CACNG3: variants seen among roughly 807,000 people sequenced by gnomAD.
The protein encoded by CACNG3 is calcium voltage-gated channel auxiliary subunit gamma 3, also known as voltage-dependent calcium channel gamma-3 subunit.
A neutral mutation model predicts 28.5 loss-of-function variants in CACNG3; 3 were observed. The ratio of observed to expected loss-of-function variants is 0.11; its 90% CI spans 0.05 to 0.27. The LOEUF (loss-of-function observed/expected upper bound fraction) is 0.27. Among genes scored for constraint, CACNG3 ranks in the 10% least tolerant of loss-of-function variants. The pLI is 1.00. For synonymous variants in CACNG3, 174 were observed against 162.2 expected, an observed-to-expected ratio of 1.07 and a Z score of -0.55; for missense variants, 236 against 414.4, an observed-to-expected ratio of 0.57 and a Z score of 3.74.
At chr16:24,331,532 A>T (rs955635074) in intron 1 of CACNG3, among the ~76,000 whole-genome samples, 1 of 152,190 alleles carries the variant, frequency 6.6e-6, no homozygotes, top group Non-Finnish European at 1.5e-5. Flanking sequence ...ATGCACTTTC[A>T]TTCCTGCTCC....
chr16:24,361,264 C>A lies in CACNG3; in HGVS notation c.437-88C>A. On this transcript the variant is annotated intron_variant, in intron 3 of 3. Coordinates refer to ENST00000005284, the MANE Select transcript of CACNG3 (RefSeq NM_006539.4). This position sits in a 1 kb window ranked among gnomAD's most constrained non-coding sequence, Gnocchi z 6.8. ...CATTCTCCTCTCTCCCCATTACCTC[C>A]ACATTTTCTATAAATATTTTAAGAT... The A allele has an allele frequency of 9.1e-7, 1 of 1,100,090 alleles. No homozygotes were observed. Among genetic ancestry groups the A allele is most frequent in the Non-Finnish European group, 1.3e-6 (1 of 756,124 alleles). 68.1% of individuals were successfully genotyped at this position (1,100,090 alleles called of 1,614,324 possible).
intron 1 of CACNG3, among the ~76,000 whole-genome samples, chr16:24,306,978 G>A (rs1424687203): frequency 1.3e-5 from 2 of 152,208 alleles, no homozygotes; most frequent in East Asian, 1.9e-4. Context: ...GTGCCGCTCC[G>A]GGTACTGCTC....
At chr16:24,285,819 T>C (rs1276584383) in intron 1 of CACNG3, among the ~76,000 whole-genome samples, 4 of 151,148 alleles carry the variant, frequency 2.6e-5, no homozygotes, top group Admixed American at 6.6e-5. Flanking sequence ...TCTGGTTCTA[T>C]AGGTACTGAT....
At chr16:24,265,342 A>C (rs1898586825) in intron 1 of CACNG3, among the ~76,000 whole-genome samples, 1 of 131,054 alleles carries the variant, frequency 7.6e-6, no homozygotes, top group Non-Finnish European at 1.6e-5. Context: ...GAAGGAAAGA[A>C]AGAAAAAGGA....
intron 1 of CACNG3, among the ~76,000 whole-genome samples, chr16:24,279,688 C>A (rs989652974): frequency 2.6e-5 from 4 of 152,194 alleles, no homozygotes; most frequent in African/African-American, 9.7e-5. Context: ...GAGATGGACT[C>A]ATTGGCCATC....
At chr16:24,307,735 T>A (rs1804413316) in intron 1 of CACNG3, among the ~76,000 whole-genome samples, 1 of 152,072 alleles carries the variant, frequency 6.6e-6, no homozygotes, top group Admixed American at 6.6e-5. Context: ...CTCAAGCCCC[T>A]CCATTTCTCT....
At chr16:24,259,270 CCTA>C (rs1282755999) in intron 1 of CACNG3, among the ~76,000 whole-genome samples, 1 of 152,172 alleles carries the variant, frequency 6.6e-6, no homozygotes, top group African/African-American at 2.4e-5. Flanking sequence ...GTAATTAACA[CCTA>C]GGTGGGTCCT....
intron 1 of CACNG3, among the ~76,000 whole-genome samples, chr16:24,313,203 A>G (rs991559547): frequency 1.8e-4 from 28 of 152,238 alleles, no homozygotes; most frequent in African/African-American, 6.5e-4. Flanking sequence ...GAACATATTC[A>G]TTAAAACATT....
At chr16:24,340,832 T>C (rs1899776955) in intron 1 of CACNG3, among the ~76,000 whole-genome samples, 1 of 152,166 alleles carries the variant, frequency 6.6e-6, no homozygotes, top group Non-Finnish European at 1.5e-5. Flanking sequence ...TTCGCTGGGC[T>C]CCTGTCCTCC....
At chr16:24,265,930 G>A (rs1204153184) in intron 1 of CACNG3, among the ~76,000 whole-genome samples, 5 of 152,190 alleles carry the variant, frequency 3.3e-5, no homozygotes, top group Admixed American at 2.6e-4. Context: ...GTAGAGACAT[G>A]TAGGAATCTA....
intron 1 of CACNG3, among the ~76,000 whole-genome samples, chr16:24,338,141 C>G (rs1899735792): frequency 6.6e-6 from 1 of 152,076 alleles, no homozygotes; most frequent in South Asian, 2.1e-4. Flanking sequence ...ACTCTCGCCC[C>G]AGGGTCTTTG....
At chr16:24,335,377 G>A (rs768974664) in intron 1 of CACNG3, among the ~76,000 whole-genome samples, 3 of 152,060 alleles carry the variant, frequency 2.0e-5, no homozygotes, top group South Asian at 2.1e-4. Flanking sequence ...CCAAGATCGC[G>A]CCACTGCACT....
intron 2 of CACNG3, among the ~76,000 whole-genome samples, chr16:24,354,119 G>A (rs1899996011): frequency 6.6e-6 from 1 of 152,154 alleles, no homozygotes; most frequent in Non-Finnish European, 1.5e-5. Context: ...CCTGAGCCTG[G>A]AAGGTGAGGC....
chr16:24,344,119 G>A (rs1899825941), intron 1 of CACNG3, among the ~76,000 whole-genome samples: 1 of 151,954 alleles, frequency 6.6e-6, no homozygotes, highest in South Asian at 2.1e-4. Context: ...AAGTCATTTA[G>A]ATAGCTAAAG....
chr16:24,331,282 G>A (rs193023817), intron 1 of CACNG3, among the ~76,000 whole-genome samples: 170 of 152,288 alleles, frequency 1.1e-3, no homozygotes, highest in African/African-American at 3.9e-3. Context: ...TCAATGGGCC[G>A]ATCAAGCAAA....
chr16:24,317,614 G>GAAAGAAAGAAAGAAAGGA (rs1899380402), intron 1 of CACNG3, among the ~76,000 whole-genome samples: 1 of 66,010 alleles, frequency 1.5e-5, no homozygotes, highest in Non-Finnish European at 2.9e-5. Flanking sequence ...AAGAAAGAAA[G>GAAAGAAAGAAAGAAAGGA]AAAGAAAGAA....
intron 1 of CACNG3, among the ~76,000 whole-genome samples, chr16:24,308,772 C>A (rs1158355205): frequency 2.4e-5 from 3 of 122,508 alleles, no homozygotes. Flanking sequence ...CCCAGGAGTT[C>A]AAAGCTGCAG....
At chr16:24,284,549 T>C (rs944375761) in intron 1 of CACNG3, among the ~76,000 whole-genome samples, 2 of 152,226 alleles carry the variant, frequency 1.3e-5, no homozygotes, top group Non-Finnish European at 2.9e-5. Flanking sequence ...ATAATTGGTG[T>C]CATTTCTTCC....
intron 1 of CACNG3, among the ~76,000 whole-genome samples, chr16:24,342,680 T>A (rs1899807681): frequency 6.6e-6 from 1 of 152,236 alleles, no homozygotes; most frequent in Non-Finnish European, 1.5e-5. Context: ...CCTAATGTTA[T>A]AATGAGGAAA....
Sources: gnomAD v4.1 joint callset for allele counts (sites outside exome capture counted in the v4.1 genomes callset) on GRCh38, gnomAD v4.1.1 for gene constraint, Gnocchi (gnomAD v3.1) non-coding constraint, MANE v1.5 for transcripts, NCBI Gene and HGNC (gene_info 2026-07-23, HGNC 2026-07-21) for gene names.